The following CNIH3 variants were observed in gnomAD, a reference collection of about 807,000 sequenced individuals.
CNIH3 encodes cornichon family AMPA receptor auxiliary protein 3.
CNIH3 carries 14 observed loss-of-function variants against 24.1 expected under a neutral mutation model. The ratio of observed to expected loss-of-function variants is 0.58; its 90% CI spans 0.38 to 0.91. The LOEUF (loss-of-function observed/expected upper bound fraction) is 0.91. Among genes scored for constraint, CNIH3 ranks in the 40% least tolerant of loss-of-function variants. CNIH3 has a pLI of 0.00. For missense variants in CNIH3, 178 were observed against 196.8 expected, an observed-to-expected ratio of 0.90 and a Z score of 0.57; for synonymous variants, 68 against 73.8, an observed-to-expected ratio of 0.92 and a Z score of 0.40.
intron 5 of CNIH3, among the ~76,000 whole-genome samples, chr1:224,737,966 G>T (rs112142478): frequency 2.6e-5 from 4 of 152,128 alleles, no homozygotes; most frequent in African/African-American, 9.7e-5. Context: ...ATTTTTTTCC[G>T]ACCTGAAGTA....
At chr1:224,721,858 T>G (rs185701326) in intron 3 of CNIH3, among the ~76,000 whole-genome samples, 70 of 152,270 alleles carry the variant, frequency 4.6e-4, no homozygotes, top group African/African-American at 1.7e-3. Flanking sequence ...GGAAGGATGC[T>G]GGAGAGCTCA....
chr1:224,665,040 T>C (rs550381330), intron 1 of CNIH3, among the ~76,000 whole-genome samples: 1 of 152,364 alleles, frequency 6.6e-6, no homozygotes, highest in East Asian at 1.9e-4. Flanking sequence ...TTCTCTATTT[T>C]GGGTATTTCT....
chr1:224,702,545 C>T (rs920307649), intron 3 of CNIH3, among the ~76,000 whole-genome samples: 1 of 152,232 alleles, frequency 6.6e-6, no homozygotes, highest in Admixed American at 6.5e-5. Context: ...AGGCGGCCTT[C>T]TGTCCTCAGC....
intron 1 of CNIH3, among the ~76,000 whole-genome samples, chr1:224,502,891 G>C (rs1163473126): frequency 6.6e-6 from 1 of 152,162 alleles, no homozygotes; most frequent in Non-Finnish European, 1.5e-5. Context: ...GGAAGGGTGA[G>C]ATGTTGAAAG....
At position 224,604,230 on chromosome 1, in the gene CNIH3, A is replaced by G. The variant is rs1199875753; in HGVS notation, n.402+37966A>G. On this transcript the variant is annotated intron_variant and non_coding_transcript_variant, in intron 3 of 7. Coordinates refer to the CNIH3 transcript ENST00000478120. This position sits in a 1 kb window ranked among gnomAD's most constrained non-coding sequence, Gnocchi z 4.4. Reference sequence around the variant, plus strand: ...TCTACTGATTATTGCAATAGCCGTTATATGATTTGCCAATCAGAACAGAAA... The same window carrying G: ...TCTACTGATTATTGCAATAGCCGTTGTATGATTTGCCAATCAGAACAGAAA... 1.3e-5 allele frequency among the ~76,000 whole-genome samples: 2 copies of G among 152,380 alleles called. No homozygotes were observed. The highest frequency in any genetic ancestry group is 6.5e-5 in the Admixed American group (1 of 15,310).
chr1:224,632,167 C>G (rs922002323), intron 1 of CNIH3, among the ~76,000 whole-genome samples: 5 of 152,154 alleles, frequency 3.3e-5, no homozygotes, highest in Non-Finnish European at 7.4e-5. Flanking sequence ...AACCCACTCT[C>G]GAATGGGGCG....
At chr1:224,499,643 C>T (rs1303104034) in intron 1 of CNIH3, among the ~76,000 whole-genome samples, 1 of 152,188 alleles carries the variant, frequency 6.6e-6, no homozygotes, top group Non-Finnish European at 1.5e-5. Context: ...CCCTCTAATA[C>T]CTTTCTAGTT....
At chr1:224,585,107 G>A (rs764412614) in intron 5 of CNIH3, among the ~76,000 whole-genome samples, 2 of 152,288 alleles carry the variant, frequency 1.3e-5, no homozygotes, top group Middle Eastern at 3.4e-3. Flanking sequence ...GTCCTTCAGG[G>A]TTTGCTGCAA....
rs191263189 is a variant in CNIH3, at chr1:224,493,777, G to T, written n.204-21964G>T. ...ATCAAGCTGTTTGTGTAGGTTGGAG[G>T]TGAGAAGAATGGCAGGGGAGAGAGT... On this transcript the variant is annotated intron_variant and non_coding_transcript_variant, in intron 1 of 5. Transcript: ENST00000471578. Among the ~76,000 whole-genome samples, 8 of 152,158 alleles carry T rather than the reference G, an allele frequency of 5.3e-5. No individual in the cohort carries two copies. In the East Asian group the frequency reaches 1.5e-3, roughly 29 times the overall value.
At chr1:224,436,470 A>G (rs1674672568) in intron 1 of CNIH3, among the ~76,000 whole-genome samples, 1 of 152,246 alleles carries the variant, frequency 6.6e-6, no homozygotes, top group Non-Finnish European at 1.5e-5. Flanking sequence ...CAGTCACTTC[A>G]TGGCAGCTAC....
At chr1:224,437,258 A>G (rs1674706509) in intron 1 of CNIH3, among the ~76,000 whole-genome samples, 1 of 152,228 alleles carries the variant, frequency 6.6e-6, no homozygotes. Context: ...TCAAGTGTGT[A>G]TTTTGATACT....
chr1:224,688,597 T>C (rs1460666260), intron 3 of CNIH3, among the ~76,000 whole-genome samples: 3 of 152,222 alleles, frequency 2.0e-5, no homozygotes, highest in African/African-American at 7.2e-5. Context: ...TCTTTCCATT[T>C]CTTCATTTCA....
chr1:224,583,135 C>T (rs913393858), intron 4 of CNIH3: 2 of 152,208 alleles, frequency 1.3e-5, no homozygotes, highest in Non-Finnish European at 1.5e-5. Flanking sequence ...ATTTCCTCCT[C>T]TTTCATAGTA....
intron 3 of CNIH3, among the ~76,000 whole-genome samples, chr1:224,605,455 T>C (rs1682379206): frequency 6.6e-6 from 1 of 152,196 alleles, no homozygotes; most frequent in Admixed American, 6.5e-5. Flanking sequence ...CTTTAAATAA[T>C]AGCCCTTCCC....
rs114770184 is a variant in CNIH3, at chr1:224,577,235, C to G, written n.517-5929C>G. ...ACCTAATTAAACGAGAAAGCTACTG[C>G]ACAGCAAAAGAAATAATCAACAGAG... On this transcript the variant is annotated intron_variant and non_coding_transcript_variant, in intron 4 of 5. Transcript: ENST00000471578. Among the ~76,000 whole-genome samples, 1,459 of 152,162 alleles carry G rather than the reference C, an allele frequency of 9.6e-3. 28 individuals carry two copies. The highest frequency in any genetic ancestry group is 0.033 in the African/African-American group (1,361 of 41,514).
intron 1 of CNIH3, among the ~76,000 whole-genome samples, chr1:224,459,842 C>A (rs1675832955): frequency 6.6e-6 from 1 of 151,454 alleles, no homozygotes; most frequent in African/African-American, 2.4e-5. Context: ...CCCCTGCACA[C>A]CCTGGGCGGG....
chr1:224,478,396 T>G (rs1356509129), intron 1 of CNIH3, among the ~76,000 whole-genome samples: 1 of 152,208 alleles, frequency 6.6e-6, no homozygotes, highest in African/African-American at 2.4e-5. Context: ...CTTCTCAAGC[T>G]TACGGATTCT....
intron 1 of CNIH3, among the ~76,000 whole-genome samples, chr1:224,492,655 G>C (rs775370157): frequency 2.6e-5 from 4 of 152,120 alleles, no homozygotes; most frequent in Non-Finnish European, 4.4e-5. Context: ...TTAATAAGAA[G>C]ATTTTATTTT....
chr1:224,574,770 C>A, intron 4 of CNIH3: 2 of 1,095,454 alleles, frequency 1.8e-6, no homozygotes, highest in Non-Finnish European at 1.4e-6. Flanking sequence ...TATTCGCTGG[C>A]CAACCAGCTT....
Sources: gnomAD v4.1 joint callset for allele counts (sites outside exome capture counted in the v4.1 genomes callset) on GRCh38, gnomAD v4.1.1 for gene constraint, Gnocchi (gnomAD v3.1) non-coding constraint, MANE v1.5 for transcripts, NCBI Gene and HGNC (gene_info 2026-07-23, HGNC 2026-07-21) for gene names.